Variants in OTUD7B observed in about 807,000 individuals in gnomAD.
OTUD7B encodes the protein OTU domain-containing protein 7B.
Under a neutral mutation model 82.2 loss-of-function variants are expected in OTUD7B, and 34 were observed. The observed-to-expected ratio is 0.41, with a 90% confidence interval of 0.31 to 0.55. OTUD7B has a LOEUF of 0.55. OTUD7B is among the 20% of genes least tolerant of loss of function. OTUD7B has a pLI of 0.20. For missense variants in OTUD7B, 944 were observed against 1,062.1 expected (o/e 0.89, Z 1.55); for synonymous variants, 398 against 402.7 (o/e 0.99, Z 0.14).
the OTUD7B span, among the ~76,000 whole-genome samples, chr1:150,061,039 AC>A: frequency 3.6e-5 from 1 of 27,726 alleles, no homozygotes; most frequent in Non-Finnish European, 6.6e-5. Context: ...AAAACAAAAA[AC>A]AAAAAACAAA....
chr1:150,036,626 T>C, the OTUD7B span, among the ~76,000 whole-genome samples: 1 of 152,184 alleles, frequency 6.6e-6, no homozygotes, highest in Non-Finnish European at 1.5e-5. Context: ...TCAACCATTT[T>C]TCCGTTGCTG....
chr1:150,014,034 A>G (rs1553787977), upstream of OTUD7B, among the ~76,000 whole-genome samples: 2 of 128,908 alleles, frequency 1.6e-5, no homozygotes, highest in East Asian at 4.8e-4. Flanking sequence ...ACGTATATAT[A>G]CGTATATATG....
chr1:149,969,709 T>C (rs1649779318), intron 3 of OTUD7B, among the ~76,000 whole-genome samples: 1 of 152,196 alleles, frequency 6.6e-6, no homozygotes, highest in Admixed American at 6.5e-5. Flanking sequence ...AAAAATTATA[T>C]ATTTTTTTAT....
chr1:150,035,199 T>A, the OTUD7B span, among the ~76,000 whole-genome samples: 1 of 151,272 alleles, frequency 6.6e-6, no homozygotes, highest in Non-Finnish European at 1.5e-5. Context: ...ACTGCATAAC[T>A]GATTTTAACA....
the OTUD7B span, among the ~76,000 whole-genome samples, chr1:150,049,804 T>C: frequency 0.015 from 2,217 of 152,242 alleles, 68 homozygotes; most frequent in African/African-American, 0.051. Flanking sequence ...CAGGCTGGTC[T>C]TGAACTACTG....
At chr1:150,056,101 G>A in the OTUD7B span, among the ~76,000 whole-genome samples, 1 of 152,086 alleles carries the variant, frequency 6.6e-6, no homozygotes, top group South Asian at 2.1e-4. Context: ...TACCACCAAT[G>A]AAATTTAAGG....
chr1:149,996,568 T>G (rs587722968), intron 1 of OTUD7B, among the ~76,000 whole-genome samples: 21 of 152,356 alleles, frequency 1.4e-4, no homozygotes, highest in Non-Finnish European at 2.9e-4. Flanking sequence ...ATTTAACGTC[T>G]CTATTGCTTA....
chr1:150,057,766 T>G, the OTUD7B span, among the ~76,000 whole-genome samples: 2 of 152,264 alleles, frequency 1.3e-5, no homozygotes, highest in African/African-American at 4.8e-5. Context: ...AACAGCATTC[T>G]GTTAGGATTT....
At chr1:150,006,992 T>C (rs1361481234) in intron 1 of OTUD7B, among the ~76,000 whole-genome samples, 2 of 152,160 alleles carry the variant, frequency 1.3e-5, no homozygotes, top group African/African-American at 4.8e-5. Flanking sequence ...AATGATTCTA[T>C]TGACCCTTCT....
the OTUD7B span, among the ~76,000 whole-genome samples, chr1:150,046,817 TC>T: frequency 6.6e-6 from 1 of 151,528 alleles, no homozygotes; most frequent in Non-Finnish European, 1.5e-5. Flanking sequence ...ACGCCTGTAA[TC>T]CCAGCACTTT....
At chr1:149,948,740 A>G (rs1364933311) in intron 10 of OTUD7B, among the ~76,000 whole-genome samples, 1 of 152,164 alleles carries the variant, frequency 6.6e-6, no homozygotes, top group Admixed American at 6.6e-5. Flanking sequence ...TATTGTAAGA[A>G]AAGAACAAGT....
At chr1:149,976,608 TC>T (rs1650329046) in intron 2 of OTUD7B, among the ~76,000 whole-genome samples, 1 of 278 alleles carries the variant, frequency 3.6e-3, no homozygotes, top group Non-Finnish European at 9.4e-3. Flanking sequence ...CAAAACTCCG[TC>T]TACAAAAAAA....
chr1:150,041,926 T>A, the OTUD7B span, among the ~76,000 whole-genome samples: 2 of 150,466 alleles, frequency 1.3e-5, no homozygotes, highest in African/African-American at 4.8e-5. Flanking sequence ...TCTAAAGCTA[T>A]ACATCTTCTT....
intron 11 of OTUD7B, among the ~76,000 whole-genome samples, chr1:149,946,015 G>C (rs1381627112): frequency 1.3e-5 from 2 of 150,622 alleles, no homozygotes; most frequent in African/African-American, 4.9e-5. Flanking sequence ...AGCTGAGATC[G>C]CACCATTGCA....
intron 7 of OTUD7B, among the ~76,000 whole-genome samples, chr1:149,955,631 T>C (rs1299608021): frequency 3.9e-5 from 6 of 152,162 alleles, no homozygotes; most frequent in Non-Finnish European, 8.8e-5. Context: ...TCTCTAATGT[T>C]GACAGTGGGG....
intron 2 of OTUD7B, among the ~76,000 whole-genome samples, chr1:149,974,864 T>TC (rs1650199252): frequency 8.0e-4 from 1 of 1,250 alleles, no homozygotes; most frequent in Non-Finnish European, 1.4e-3. Flanking sequence ...TCTTTTTCTT[T>TC]CTTTTTTTTT....
intron 1 of OTUD7B, among the ~76,000 whole-genome samples, chr1:149,980,797 G>C (rs1650665298): frequency 6.6e-6 from 1 of 152,126 alleles, no homozygotes; most frequent in Non-Finnish European, 1.5e-5. Context: ...AGGATCACTT[G>C]AGCCCAGGAG....
Position 149,944,417 on chromosome 1 carries a change from CT to C in OTUD7B, c.1971del (p.Ile657MetfsTer171). On this transcript the variant is annotated frameshift_variant, in exon 12 of 12. Coordinates refer to ENST00000581312, the MANE Select transcript of OTUD7B (RefSeq NM_020205.4). LOFTEE classifies it high-confidence loss of function. ...TTTTTGGCTGGAGGAGGGCCACCCC[CT>C]ATTCCTCCATTCATGATCTTCCTCT... Reference protein sequence around the residue: ...EAERKIMNGGIGGGPPPAKKP... With the variant: ...EAERKIMNGGXGGGPPPAKKP... 1.2e-6 allele frequency: 2 copies of C among 1,614,172 alleles called. No homozygotes were observed. Among genetic ancestry groups the C allele is most frequent in the Non-Finnish European group, 1.7e-6 (2 of 1,180,018 alleles).
At chr1:149,982,115 C>G (rs944517752) in intron 1 of OTUD7B, among the ~76,000 whole-genome samples, 1 of 151,992 alleles carries the variant, frequency 6.6e-6, no homozygotes, top group Admixed American at 6.6e-5. Flanking sequence ...CGCCACTGCA[C>G]TCCAGCCTGG....
Sources: gnomAD v4.1 joint callset for allele counts (sites outside exome capture counted in the v4.1 genomes callset) on GRCh38, gnomAD v4.1.1 for gene constraint, MANE v1.5 for transcripts, NCBI Gene and HGNC (gene_info 2026-07-23, HGNC 2026-07-21) for gene names.